Variants in JARID2 observed in about 807,000 individuals in gnomAD.
The protein encoded by JARID2 is protein Jumonji.
JARID2 carries 21 observed loss-of-function variants against 125.6 expected under a neutral mutation model. The observed-to-expected ratio is 0.17, with a 90% CI of 0.12 to 0.24. The LOEUF (loss-of-function observed/expected upper bound fraction) is 0.24, where lower values mean the gene tolerates loss of function less well. Ranked by LOEUF, JARID2 falls within the 10% of genes least tolerant of loss-of-function variation. The pLI, the probability that JARID2 is intolerant of heterozygous loss-of-function variation, is 1.00. For synonymous variants in JARID2, 736 were observed against 661.6 expected, an observed-to-expected ratio of 1.11 and a Z score of -1.73; for missense variants, 1,303 against 1,639.6, an observed-to-expected ratio of 0.79 and a Z score of 3.55.
chr6:15,323,948 T>G (rs564331277), intron 1 of JARID2, among the ~76,000 whole-genome samples: 1 of 151,616 alleles, frequency 6.6e-6, no homozygotes, highest in Non-Finnish European at 1.5e-5. Context: ...TTTGGGAGGC[T>G]GAGGCGGGCG....
chr6:15,359,643 G>A (rs1763723321), intron 1 of JARID2, among the ~76,000 whole-genome samples: 2 of 152,046 alleles, frequency 1.3e-5, no homozygotes, highest in African/African-American at 4.8e-5. Context: ...GAGAGAGGTG[G>A]GTAGGGTTGA....
At chr6:15,465,404 TCACACCACTGCATTC>T (rs1768670176) in intron 4 of JARID2, among the ~76,000 whole-genome samples, 1 of 152,202 alleles carries the variant, frequency 6.6e-6, no homozygotes, top group Non-Finnish European at 1.5e-5. Flanking sequence ...TGAGTCATGA[TCACACCACTGCATTC>T]CAGCCTGGGC....
At chr6:15,477,353 A>G (rs1388529961) in intron 5 of JARID2, among the ~76,000 whole-genome samples, 1 of 151,554 alleles carries the variant, frequency 6.6e-6, no homozygotes, top group Admixed American at 6.6e-5. Flanking sequence ...TTCAGTGGGG[A>G]CAGACACTCT....
chr6:15,504,959 CAGTT>C (rs1770927659), intron 9 of JARID2, among the ~76,000 whole-genome samples: 1 of 152,174 alleles, frequency 6.6e-6, no homozygotes, highest in South Asian at 2.1e-4. Flanking sequence ...CTTGAAACCA[CAGTT>C]GTGCTTTTTC....
intron 3 of JARID2, among the ~76,000 whole-genome samples, chr6:15,436,632 C>T (rs1041471558): frequency 3.9e-5 from 6 of 152,124 alleles, no homozygotes; most frequent in African/African-American, 1.4e-4. Context: ...CTCTACCCAG[C>T]TTTTCCCTCC....
intron 2 of JARID2, among the ~76,000 whole-genome samples, chr6:15,389,750 C>A (rs1764928286): frequency 6.6e-6 from 1 of 152,160 alleles, no homozygotes; most frequent in African/African-American, 2.4e-5. Flanking sequence ...GGGAAACTAC[C>A]ACACAAAGTG....
chr6:15,271,257 G>T (rs1760285580), intron 1 of JARID2, among the ~76,000 whole-genome samples: 1 of 152,138 alleles, frequency 6.6e-6, no homozygotes, highest in South Asian at 2.1e-4. Context: ...AGGCCAGTGG[G>T]TTCTAATCAC....
At chr6:15,295,627 C>A (rs1016840027) in intron 1 of JARID2, among the ~76,000 whole-genome samples, 2 of 152,034 alleles carry the variant, frequency 1.3e-5, no homozygotes, top group Admixed American at 1.3e-4. Flanking sequence ...ATACATGTTT[C>A]AATACTGAAT....
chr6:15,468,985 C>G (rs1354197547), intron 5 of JARID2, among the ~76,000 whole-genome samples: 1 of 152,108 alleles, frequency 6.6e-6, no homozygotes, highest in Non-Finnish European at 1.5e-5. Flanking sequence ...CAGGAAAAGA[C>G]CAGATCTACA....
intron 1 of JARID2, among the ~76,000 whole-genome samples, chr6:15,357,685 A>G (rs1316066141): frequency 1.3e-5 from 2 of 152,236 alleles, no homozygotes; most frequent in Non-Finnish European, 2.9e-5. Flanking sequence ...TAGAAAAATA[A>G]GAAATCTTTT....
intron 12 of JARID2, chr6:15,509,134 A>G (rs1219938996): frequency 7.8e-7 from 1 of 1,288,044 alleles, no homozygotes; most frequent in East Asian, 5.6e-5. Flanking sequence ...CACTGTAGCC[A>G]TCCCTGATTG....
At position 15,520,445 on chromosome 6, in the gene JARID2, G is replaced by C. The variant is rs1301379834; in HGVS notation, c.*194G>C. 2.1e-6 allele frequency: 1 copy of C among 482,126 alleles called. No individual in the cohort carries two copies. The highest frequency in any genetic ancestry group is 2.0e-5 in the African/African-American group (1 of 50,038). 29.9% of individuals were successfully genotyped at this position (482,126 alleles called of 1,614,324 possible). A position where few individuals can be genotyped will look rare whatever the true frequency, so the allele number is the denominator to read the frequency against. On this transcript the variant is annotated 3_prime_UTR_variant, in exon 18 of 18. Transcript: ENST00000341776. ...TTTGTACTTAGAAAACCTAGATACT[G>C]CAGTCAGATTTTGGAAACTGCCGTA...
chr6:15,427,676 A>G (rs1461218848), intron 3 of JARID2, among the ~76,000 whole-genome samples: 1 of 151,994 alleles, frequency 6.6e-6, no homozygotes, highest in East Asian at 1.9e-4. Flanking sequence ...CTTTTTCAGC[A>G]GTTTCTGACC....
At chr6:15,370,670 T>G (rs1200264580) in intron 1 of JARID2, among the ~76,000 whole-genome samples, 1 of 152,110 alleles carries the variant, frequency 6.6e-6, no homozygotes, top group African/African-American at 2.4e-5. Flanking sequence ...GAGCGTTCAG[T>G]ACTGGTTGAT....
intron 2 of JARID2, 97 bp downstream of exon 2, chr6:15,374,349 G>C: frequency 7.5e-7 from 1 of 1,332,506 alleles, no homozygotes; most frequent in Non-Finnish European, 1.1e-6. Flanking sequence ...TGTGCTTCCT[G>C]GTCTAGGCAC....
chr6:15,512,256 G>A lies in JARID2; in HGVS notation c.3001G>A (p.Val1001Met), dbSNP rs140223161. Residue 1001 changes from valine to methionine, a missense_variant, in exon 14 of 18, where the codon GTG becomes ATG. Physicochemically the swap from Val to Met is conservative, Grantham distance 21. Transcript: ENST00000341776. ...AGAGGGGATCAAGGTGCACAGGACCGTGCAGCAGAGTGGCCAGTTTGTCGT... is the reference window on the plus strand; with the variant it reads ...AGAGGGGATCAAGGTGCACAGGACCATGCAGCAGAGTGGCCAGTTTGTCGT... ...CKEGIKVHRT[V>M]QQSGQFVVCF... The A allele has an allele frequency of 3.7e-5, 60 of 1,614,048 alleles. No homozygotes were observed. Among genetic ancestry groups the A allele is most frequent in the Non-Finnish European group, 3.2e-5 (38 of 1,180,028 alleles).
Position 15,468,608 on chromosome 6 carries a change from A to C in JARID2, c.560A>C (p.Glu187Ala), listed in dbSNP as rs749368838. 3 of 1,614,162 alleles carry C rather than the reference A, an allele frequency of 1.9e-6. No individual in the cohort carries two copies. Among genetic ancestry groups the C allele is most frequent in the East Asian group, 2.2e-5 (1 of 44,878 alleles). The change falls in exon 5 of 18, where the codon GAG becomes GCG. Residue 187 changes from glutamate (E) to alanine (A), a missense_variant. Physicochemically the swap from Glu to Ala is moderately radical, Grantham distance 107. Coordinates refer to ENST00000341776, the MANE Select transcript of JARID2 (RefSeq NM_004973.4). The stretch of plus-strand genomic sequence containing the variant: ...TCTCAGGATGAGGAGGAAGTCGAGG[A>C]GGAAGATGATGAGACAGAAGACGTC... The part of the protein sequence containing the change: ...GSSQDEEEVE[E>A]EDDETEDVKT...
chr6:15,507,268 C>T lies in JARID2; in HGVS notation c.2660+14C>T. On this transcript the variant is annotated intron_variant, in intron 10 of 17. Coordinates refer to ENST00000341776, the MANE Select transcript of JARID2 (RefSeq NM_004973.4). ...ACCCTTTTCGAGGTAACCTGGGATT[C>T]TCTCGTCCAGGTTCTTGGGGATGTG... 1.2e-6 allele frequency: 2 copies of T among 1,600,542 alleles called. No homozygotes were observed. The highest frequency in any genetic ancestry group is 1.7e-6 in the Non-Finnish European group (2 of 1,167,582).
chr6:15,307,369 T>G (rs185598701), intron 1 of JARID2, among the ~76,000 whole-genome samples: 1 of 152,224 alleles, frequency 6.6e-6, no homozygotes, highest in East Asian at 2.0e-4. Context: ...ATCACAGGCA[T>G]ACGGCACCAT....
Sources: gnomAD v4.1 joint callset for allele counts (sites outside exome capture counted in the v4.1 genomes callset) on GRCh38, gnomAD v4.1.1 for gene constraint, MANE v1.5 for transcripts, NCBI Gene and HGNC (gene_info 2026-07-23, HGNC 2026-07-21) for gene names.